BMP6: variants seen among roughly 807,000 people sequenced by gnomAD.
BMP6 encodes bone morphogenetic protein 6.
Under a neutral mutation model 54.1 loss-of-function variants are expected in BMP6, and 17 were observed. That is an observed-to-expected ratio of 0.31 (90% CI 0.22 to 0.47). BMP6 has a LOEUF of 0.47. Among genes scored for constraint, BMP6 ranks in the 20% least tolerant of loss-of-function variants. The probability of loss-of-function intolerance (pLI) is 1.00; values close to 1 mark genes in which losing one functional copy is unlikely to be tolerated. For missense variants in BMP6, 720 were observed against 690.4 expected (o/e 1.04, Z -0.48); for synonymous variants, 328 against 291.2 (o/e 1.13, Z -1.28).
intron 1 of BMP6, among the ~76,000 whole-genome samples, chr6:7,801,280 C>G (rs2113198043): frequency 6.6e-6 from 1 of 152,288 alleles, no homozygotes; most frequent in South Asian, 2.1e-4. Flanking sequence ...GACCAGTCCT[C>G]TTGTTTTTGG....
chr6:7,813,097 A>C (rs1758458661), intron 1 of BMP6, among the ~76,000 whole-genome samples: 1 of 45,002 alleles, frequency 2.2e-5, no homozygotes, highest in Admixed American at 3.2e-4. Flanking sequence ...AAAAAAAAAA[A>C]AAAAAAAAAA....
intron 2 of BMP6, among the ~76,000 whole-genome samples, chr6:7,849,001 T>C (rs1017896693): frequency 6.6e-6 from 1 of 152,196 alleles, no homozygotes; most frequent in African/African-American, 2.4e-5. Flanking sequence ...GTATGGCACA[T>C]ACGAATTTTG....
chr6:7,879,081 C>G lies in BMP6; in HGVS notation c.1212C>G (p.Asn404Lys). 1 of 1,614,082 alleles carries G rather than the reference C, an allele frequency of 6.2e-7. No homozygotes were observed. Among genetic ancestry groups the G allele is most frequent in the Non-Finnish European group, 8.5e-7 (1 of 1,179,912 alleles). Reference protein sequence around the residue: ...VARVSSASDYNSSELKTACRK... With the variant: ...VARVSSASDYKSSELKTACRK... ...TTTGATCTCCTCCAACAGATTACAA[C>G]AGCAGTGAATTGAAAACAGCCTGCA... Residue 404 changes from asparagine (N) to lysine (K), a missense_variant, in exon 5 of 7, where the codon AAC (asparagine) becomes AAG (lysine). By Grantham distance (94) the Asn-to-Lys change is moderately conservative. Transcript: ENST00000283147.
At chr6:7,850,022 A>G (rs1319674331) in intron 2 of BMP6, among the ~76,000 whole-genome samples, 1 of 152,160 alleles carries the variant, frequency 6.6e-6, no homozygotes, top group African/African-American at 2.4e-5. Flanking sequence ...TTGTCATTTG[A>G]TTTTAGAGTT....
intron 1 of BMP6, among the ~76,000 whole-genome samples, chr6:7,831,447 G>A (rs956205729): frequency 6.6e-6 from 1 of 152,152 alleles, no homozygotes; most frequent in African/African-American, 2.4e-5. Flanking sequence ...TGAATTTTAT[G>A]TTATGTAAAT....
chr6:7,785,838 A>G (rs1758012359), intron 1 of BMP6, among the ~76,000 whole-genome samples: 1 of 152,188 alleles, frequency 6.6e-6, no homozygotes. Flanking sequence ...GCCAACTTGG[A>G]GCCTCCTTCA....
chr6:7,729,987 T>G (rs1431256226), intron 1 of BMP6, among the ~76,000 whole-genome samples: 1 of 152,204 alleles, frequency 6.6e-6, no homozygotes, highest in African/African-American at 2.4e-5. Flanking sequence ...AAGATAGAAG[T>G]GTGCCACCAT....
intron 1 of BMP6, among the ~76,000 whole-genome samples, chr6:7,783,454 G>T (rs1270414617): frequency 6.6e-6 from 1 of 152,022 alleles, no homozygotes; most frequent in Admixed American, 6.5e-5. Context: ...ATTCCTCTTT[G>T]CCACTTATTT....
At chr6:7,746,318 T>C (rs1757346362) in intron 1 of BMP6, among the ~76,000 whole-genome samples, 1 of 152,138 alleles carries the variant, frequency 6.6e-6, no homozygotes. Flanking sequence ...TGAGGAACTA[T>C]TTACAACTTT....
intron 1 of BMP6, among the ~76,000 whole-genome samples, chr6:7,736,521 A>G (rs946687847): frequency 6.6e-6 from 1 of 152,240 alleles, no homozygotes; most frequent in African/African-American, 2.4e-5. Flanking sequence ...AGGAGAGACT[A>G]TTTAGATCAG....
At chr6:7,813,113 AT>A (rs1758462815) in intron 1 of BMP6, among the ~76,000 whole-genome samples, 4 of 49,364 alleles carry the variant, frequency 8.1e-5, no homozygotes, top group African/African-American at 4.4e-4. Context: ...AAAAAAATAT[AT>A]ATATATATAT....
intron 1 of BMP6, among the ~76,000 whole-genome samples, chr6:7,731,771 T>C (rs578149144): frequency 6.6e-6 from 1 of 152,382 alleles, no homozygotes; most frequent in East Asian, 1.9e-4. Flanking sequence ...TCGTGCTTTA[T>C]TAATACACCT....
intron 5 of BMP6, among the ~76,000 whole-genome samples, 173 bp from the exon 6 acceptor site, chr6:7,879,818 C>T (rs111395462): frequency 1.0e-3 from 152 of 152,348 alleles, no homozygotes; most frequent in Non-Finnish European, 2.0e-3. Context: ...GGACCAGGTT[C>T]ACTTCCCAGC....
At chr6:7,854,174 T>A (rs923235880) in intron 2 of BMP6, among the ~76,000 whole-genome samples, 2 of 152,220 alleles carry the variant, frequency 1.3e-5, no homozygotes, top group African/African-American at 4.8e-5. Flanking sequence ...TTCTGGAAAC[T>A]ATGCCTTATA....
At chr6:7,802,654 A>G (rs1169372022) in intron 1 of BMP6, among the ~76,000 whole-genome samples, 5 of 152,210 alleles carry the variant, frequency 3.3e-5, no homozygotes, top group African/African-American at 1.2e-4. Context: ...GGGTGCTGCC[A>G]TCAGCAACAA....
intron 1 of BMP6, among the ~76,000 whole-genome samples, chr6:7,842,087 C>T (rs1758980410): frequency 6.6e-6 from 1 of 152,150 alleles, no homozygotes; most frequent in African/African-American, 2.4e-5. Context: ...TCTCCTCCCT[C>T]CTCTTTTCCT....
At chr6:7,738,614 T>C (rs1048661018) in intron 1 of BMP6, among the ~76,000 whole-genome samples, 2 of 151,708 alleles carry the variant, frequency 1.3e-5, no homozygotes, top group Non-Finnish European at 2.9e-5. Context: ...GGACCCTCAT[T>C]GCTAAAGGCT....
intron 1 of BMP6, among the ~76,000 whole-genome samples, chr6:7,736,334 A>G (rs1461648578): frequency 6.6e-6 from 1 of 152,198 alleles, no homozygotes; most frequent in Non-Finnish European, 1.5e-5. Context: ...AACAAGAATT[A>G]TAGGAATTTT....
chr6:7,733,512 C>G (rs533237585), intron 1 of BMP6, among the ~76,000 whole-genome samples: 22 of 152,296 alleles, frequency 1.4e-4, no homozygotes, highest in South Asian at 4.1e-4. Flanking sequence ...CCTGTCCCCC[C>G]CTCCCTAGGC....
Sources: gnomAD v4.1 joint callset for allele counts (sites outside exome capture counted in the v4.1 genomes callset) on GRCh38, gnomAD v4.1.1 for gene constraint, MANE v1.5 for transcripts, NCBI Gene and HGNC (gene_info 2026-07-23, HGNC 2026-07-21) for gene names.